The following ANKRD52 variants were observed in gnomAD, a reference collection of about 807,000 sequenced individuals.
The protein encoded by ANKRD52 is serine/threonine-protein phosphatase 6 regulatory ankyrin repeat subunit C.
A neutral mutation model predicts 116.0 loss-of-function variants in ANKRD52; 7 were observed. That is an observed-to-expected ratio of 0.06 (90% CI 0.03 to 0.11). The LOEUF (loss-of-function observed/expected upper bound fraction) is 0.11. Among genes scored for constraint, ANKRD52 ranks in the 10% least tolerant of loss-of-function variants. The pLI is 1.00. For missense variants in ANKRD52, 839 were observed against 1,408.6 expected (o/e 0.60, Z 6.47); for synonymous variants, 528 against 578.1 (o/e 0.91, Z 1.24).
chr12:56,255,022 C>G lies in ANKRD52; in HGVS notation c.463-70G>C, dbSNP rs1264244036. 1 of 1,511,546 alleles carries G rather than the reference C, an allele frequency of 6.6e-7. No individual in the cohort carries two copies. Among genetic ancestry groups the G allele is most frequent in the African/African-American group, 1.4e-5 (1 of 72,730 alleles). 93.6% of individuals were successfully genotyped at this position (1,511,546 alleles called of 1,614,324 possible). The stretch of plus-strand genomic sequence containing the variant: ...CCCTCAACCTACCTAAGAGCAGAGG[C>G]CTCATCTCCTGAAAAGGCTGAGGCA... On this transcript the variant is annotated intron_variant, in intron 5 of 27. Coordinates refer to ENST00000267116, the MANE Select transcript of ANKRD52 (RefSeq NM_173595.4). This position sits in a 1 kb window ranked among gnomAD's most constrained non-coding sequence, Gnocchi z 4.3.
chr12:56,252,441 CCTCT>C lies in ANKRD52; in HGVS notation c.1370+57_1370+60del, dbSNP rs2135889450. 8 of 1,596,464 alleles carry C rather than the reference CCTCT, an allele frequency of 5.0e-6. No individual in the cohort carries two copies. The Middle Eastern group carries it at 6.7e-4, about 133-fold the overall frequency. ...AAGTCTCCAATCTAAACCCTTCCTC[CCTCT>C]ACCATTTGTTTCTCTAATCAGATAT... On this transcript the variant is annotated intron_variant, in intron 13 of 27. Coordinates refer to ENST00000267116, the MANE Select transcript of ANKRD52 (RefSeq NM_173595.4). This position sits in a 1 kb window ranked among gnomAD's most constrained non-coding sequence, Gnocchi z 4.7.
At position 56,254,740 on chromosome 12, in the gene ANKRD52, T is replaced by C. The variant is rs748670949; in HGVS notation, c.551-20A>G. 2.0e-5 allele frequency: 32 copies of C among 1,603,002 alleles called. 1 individual carries two copies. In the South Asian group the frequency reaches 3.4e-4, roughly 17 times the overall value. The stretch of plus-strand genomic sequence containing the variant: ...AGTGCCCTGAGAAAAGAGAAGACAC[T>C]CTAAAGGAAGTAGAAGGTAAACTCT... On this transcript the variant is annotated intron_variant, in intron 6 of 27. Transcript: ENST00000267116. This position sits in a 1 kb window ranked among gnomAD's most constrained non-coding sequence, Gnocchi z 4.6.
intron 15 of ANKRD52, among the ~76,000 whole-genome samples, chr12:56,251,771 TAGGGA>T (rs1871704934): frequency 6.7e-6 from 1 of 149,808 alleles, no homozygotes; most frequent in Non-Finnish European, 1.5e-5. Flanking sequence ...TCCATTCCTT[TAGGGA>T]AGGAACTATG....
chr12:56,247,496 G>T lies in ANKRD52; in HGVS notation c.2181C>A (p.Arg727=). ...TCCCCCCTAGAAGCTCACTCACCCC[G>T]CGGTGGAGGGCAGTGCGGCCCCGGA... ...ADLRGRTALH[R]GAVTGCEDCL... is the part of the protein sequence containing the mutation. Residue 727 remains arginine, a synonymous_variant, in exon 20 of 28, where the codon CGC becomes CGA. Transcript: ENST00000267116. 6.4e-7 allele frequency: 1 copy of T among 1,574,060 alleles called. No homozygotes were observed. Among genetic ancestry groups the T allele is most frequent in the Non-Finnish European group, 8.6e-7 (1 of 1,158,958 alleles).
At chr12:56,257,197 G>C (rs764318271) in intron 3 of ANKRD52, 86 bp downstream of exon 3, 2 of 1,541,594 alleles carry the variant, frequency 1.3e-6, no homozygotes, top group African/African-American at 2.7e-5. Context: ...GGACCAAGCC[G>C]GGGAGAGCAA....
rs2135872769 is a variant in ANKRD52, at chr12:56,240,454, G to C, written c.*2688C>G. 6.6e-6 allele frequency: 1 copy of C among 152,098 alleles called. No homozygotes were observed. The highest frequency in any genetic ancestry group is 1.9e-4 in the East Asian group (1 of 5,156). 9.4% of individuals were successfully genotyped at this position (152,098 alleles called of 1,614,324 possible). A position where few individuals can be genotyped will look rare whatever the true frequency, so the allele number is the denominator to read the frequency against. On this transcript the variant is annotated 3_prime_UTR_variant, in exon 28 of 28. Coordinates refer to ENST00000267116, the MANE Select transcript of ANKRD52 (RefSeq NM_173595.4). This position sits in a 1 kb window ranked among gnomAD's most constrained non-coding sequence, Gnocchi z 4.2. Reference sequence around the variant, plus strand: ...AAAGTGCTTATTACTTGAAGCAAGTGCTTTAGGGCTGCGGTGGGGAGAGGG... The same window carrying C: ...AAAGTGCTTATTACTTGAAGCAAGTCCTTTAGGGCTGCGGTGGGGAGAGGG...
intron 1 of ANKRD52, 69 bp downstream of exon 1, chr12:56,258,174 T>C (rs1872056928): frequency 6.4e-7 from 1 of 1,564,934 alleles, no homozygotes; most frequent in Non-Finnish European, 8.6e-7. Flanking sequence ...AGGCCGCACA[T>C]CCCCGGGCTC....
chr12:56,244,241 G>T lies in ANKRD52; in HGVS notation c.2806-108C>A. ...AGGACAAACAGCTGCCCAACCAGTC[G>T]GATAGGCTGGACAATCCTCACTTCT... On this transcript the variant is annotated intron_variant, in intron 25 of 27. Coordinates refer to ENST00000267116, the MANE Select transcript of ANKRD52 (RefSeq NM_173595.4). This position sits in a 1 kb window ranked among gnomAD's most constrained non-coding sequence, Gnocchi z 4.9. The T allele has an allele frequency of 6.6e-7, 1 of 1,517,922 alleles. No homozygotes were observed. The highest frequency in any genetic ancestry group is 1.1e-5 in the South Asian group (1 of 88,082). The allele number at this position is 1,517,922 out of a possible 1,614,324, so 94.0% of individuals were successfully genotyped here. A position where few individuals can be genotyped will look rare whatever the true frequency, so the allele number is the denominator to read the frequency against.
At chr12:56,256,521 G>A (rs1871961512) in intron 4 of ANKRD52, among the ~76,000 whole-genome samples, 1 of 152,196 alleles carries the variant, frequency 6.6e-6, no homozygotes, top group Non-Finnish European at 1.5e-5. Context: ...CTGGTGGCTG[G>A]AGCCAGGGAA....
rs998203172 is a variant in ANKRD52, at chr12:56,251,918, G to A, written c.1592+97C>T. 2.2e-5 allele frequency: 30 copies of A among 1,351,580 alleles called. No individual in the cohort carries two copies. In the Admixed American group the frequency reaches 5.4e-4, roughly 24 times the overall value. The allele number at this position is 1,351,580 out of a possible 1,614,324, so 83.7% of individuals were successfully genotyped here. A position where few individuals can be genotyped will look rare whatever the true frequency, so the allele number is the denominator to read the frequency against. ...CTGGCTGACCGGCAGGACAGCAGCA[G>A]TATAGGGTAGAGGTTCAGATTAGGT... On this transcript the variant is annotated intron_variant, in intron 15 of 27. Transcript: ENST00000267116.
In ANKRD52 at chr12:56,248,291, T is replaced by G. The variant is rs975206789; in HGVS notation, c.1777-67A>C. On this transcript the variant is annotated intron_variant, in intron 17 of 27. Transcript: ENST00000267116. The surrounding 1 kb of genome is among the most constrained non-coding windows in gnomAD (Gnocchi z 5.1). ...TCCCTGCTCCTCCCTTCCCCTTCTC[T>G]GCTCTTGGGGTCCCTGGGAAGCTCA... The G allele has an allele frequency of 1.3e-5, 21 of 1,572,034 alleles. No individual in the cohort carries two copies. In the Admixed American group the frequency reaches 3.5e-4, roughly 26 times the overall value.
chr12:56,245,537 C>T lies in ANKRD52; in HGVS notation c.2244G>A (p.Leu748=), dbSNP rs368680498. Residue 748 remains leucine (L), a synonymous_variant, in exon 21 of 28, where the codon CTG becomes CTA. Coordinates refer to ENST00000267116, the MANE Select transcript of ANKRD52 (RefSeq NM_173595.4). The stretch of plus-strand genomic sequence containing the variant: ...GCGTGCGGCCCTTAAAGTCTCGGCA[C>T]AGCACAAATGCGTCGTGGTCCAGCA... ...AALLDHDAFV[L]CRDFKGRTPI... 7.4e-6 allele frequency: 12 copies of T among 1,611,136 alleles called. No individual in the cohort carries two copies. Among genetic ancestry groups the T allele is most frequent in the Non-Finnish European group, 1.0e-5 (12 of 1,178,842 alleles).
intron 18 of ANKRD52, 101 bp downstream of exon 18, chr12:56,247,922 G>C (rs1444746594): frequency 7.3e-7 from 1 of 1,377,702 alleles, no homozygotes; most frequent in Non-Finnish European, 9.9e-7. Context: ...AGGGCTTGAA[G>C]TCTCCATTCT....
chr12:56,250,105 G>A (rs944896700), intron 15 of ANKRD52, among the ~76,000 whole-genome samples: 2 of 152,000 alleles, frequency 1.3e-5, no homozygotes, highest in African/African-American at 4.8e-5. Context: ...GAAGAGGCAG[G>A]AGAATCGCTT....
chr12:56,244,548 T>C lies in ANKRD52; in HGVS notation c.2722+104A>G. The stretch of plus-strand genomic sequence containing the variant: ...GGCGAGACATCCAAAGACAACCCTC[T>C]TGCTTTCTGAACCCCAGCCCCAGCC... On this transcript the variant is annotated intron_variant, in intron 24 of 27. Transcript: ENST00000267116. This position sits in a 1 kb window ranked among gnomAD's most constrained non-coding sequence, Gnocchi z 4.9. The C allele has an allele frequency of 6.3e-7, 1 of 1,599,232 alleles. No individual in the cohort carries two copies. Among genetic ancestry groups the C allele is most frequent in the Non-Finnish European group, 8.5e-7 (1 of 1,171,804 alleles).
At chr12:56,257,507 A>G in intron 2 of ANKRD52, 146 bp from the exon 3 acceptor site, 2 of 794,408 alleles carry the variant, frequency 2.5e-6, no homozygotes, top group Non-Finnish European at 4.1e-6. Flanking sequence ...ATTGGGAGTC[A>G]AAGGCAAGCA....
In ANKRD52 at chr12:56,247,863, GA is replaced by G. The variant is rs1871492211; in HGVS notation, c.1979-90del. ...TAAAGGACTTGGGGTCAATGTTACA[GA>G]AAGACCTGGGCCAGGGAGAAATCTC... On this transcript the variant is annotated intron_variant, in intron 18 of 27. Coordinates refer to ENST00000267116, the MANE Select transcript of ANKRD52 (RefSeq NM_173595.4). 3 of 1,432,864 alleles carry G rather than the reference GA, an allele frequency of 2.1e-6. No homozygotes were observed. The African/African-American group carries it at 4.2e-5, about 20-fold the overall frequency. The allele number at this position is 1,432,864 out of a possible 1,614,324, so 88.8% of individuals were successfully genotyped here.
chr12:56,251,195 C>T (rs1310002308), intron 15 of ANKRD52, among the ~76,000 whole-genome samples: 1 of 152,054 alleles, frequency 6.6e-6, no homozygotes, highest in Non-Finnish European at 1.5e-5. Flanking sequence ...CCTGCCTCGG[C>T]CTCCCAAAGT....
At position 56,243,113 on chromosome 12, in the gene ANKRD52, C is replaced by T. The variant is rs940614706; in HGVS notation, c.*29G>A. On this transcript the variant is annotated 3_prime_UTR_variant, in exon 28 of 28. Transcript: ENST00000267116. This position sits in a 1 kb window ranked among gnomAD's most constrained non-coding sequence, Gnocchi z 4.6. ...AAATAAATAGAATTAGATATCAAGC[C>T]ACCGGCGGGGGAGGGACACTGGAGG... The T allele has an allele frequency of 6.4e-7, 1 of 1,560,096 alleles. No homozygotes were observed. The highest frequency in any genetic ancestry group is 1.4e-5 in the African/African-American group (1 of 72,920).
Sources: gnomAD v4.1 joint callset for allele counts (sites outside exome capture counted in the v4.1 genomes callset) on GRCh38, gnomAD v4.1.1 for gene constraint, Gnocchi (gnomAD v3.1) non-coding constraint, MANE v1.5 for transcripts, NCBI Gene and HGNC (gene_info 2026-07-23, HGNC 2026-07-21) for gene names.